Variants in NFAM1 observed in about 807,000 individuals in gnomAD.
NFAM1 encodes NFAT activation molecule 1.
In NFAM1, 17 loss-of-function variants were observed where a neutral mutation model predicts 29.0. That is an observed-to-expected ratio of 0.59 (90% CI 0.40 to 0.88). The LOEUF (loss-of-function observed/expected upper bound fraction) is 0.88, where lower values mean the gene tolerates loss of function less well. Ranked by LOEUF, NFAM1 falls within the 40% of genes least tolerant of loss-of-function variation. The pLI is 0.00. For missense variants in NFAM1, 324 were observed against 344.6 expected, an observed-to-expected ratio of 0.94 and a Z score of 0.47; for synonymous variants, 175 against 147.2, an observed-to-expected ratio of 1.19 and a Z score of -1.36.
chr22:42,386,396 A>ACAC (rs1555968132), intron 5 of NFAM1, among the ~76,000 whole-genome samples: 16,235 of 125,078 alleles, frequency 0.13, 991 homozygotes, highest in Middle Eastern at 0.21. Context: ...AAAACAAACA[A>ACAC]ACACACACAC....
Position 42,411,543 on chromosome 22 carries a change from T to C in NFAM1, c.315A>G (p.Thr105=), listed in dbSNP as rs1930090994. Residue 105 remains threonine, a synonymous_variant, in exon 2 of 6, where the codon ACA becomes ACG. Transcript: ENST00000329021. Reference sequence around the variant, plus strand: ...AGTCCAGGGTGTGGCTCTGGTTCTCTGTGCCCAGTCCAGGGTGGCAGTTTG... The same window carrying C: ...AGTCCAGGGTGTGGCTCTGGTTCTCCGTGCCCAGTCCAGGGTGGCAGTTTG... ...KPTNCHPGLG[T]ENQSHTLDCQ... The C allele has an allele frequency of 6.2e-7, 1 of 1,614,236 alleles. No homozygotes were observed. The highest frequency in any genetic ancestry group is 2.2e-5 in the East Asian group (1 of 44,886).
intron 3 of NFAM1, among the ~76,000 whole-genome samples, chr22:42,399,510 C>G (rs867376788): frequency 4.6e-5 from 7 of 151,368 alleles, no homozygotes; most frequent in African/African-American, 1.7e-4. Flanking sequence ...GTGTGTGGCC[C>G]GAGAGAGGAG....
chr22:42,430,182 G>A (rs1375426179), intron 1 of NFAM1, among the ~76,000 whole-genome samples: 2 of 152,170 alleles, frequency 1.3e-5, no homozygotes, highest in Non-Finnish European at 2.9e-5. Context: ...AGGATCATTT[G>A]AGTGAGGGAG....
At chr22:42,433,350 G>C (rs1285899899), upstream of NFAM1, among the ~76,000 whole-genome samples, 1 of 152,166 alleles carries the variant, frequency 6.6e-6, no homozygotes, top group East Asian at 1.9e-4. Flanking sequence ...CTTCTCTGCA[G>C]GTGTCCCTTC....
rs757778430 is a variant in NFAM1, at chr22:42,411,747, A to G, written c.122-11T>C. 1 of 1,602,136 alleles carries G rather than the reference A, an allele frequency of 6.2e-7. No homozygotes were observed. The highest frequency in any genetic ancestry group is 8.5e-7 in the Non-Finnish European group (1 of 1,169,850). On this transcript the variant is annotated splice_polypyrimidine_tract_variant and intron_variant, in intron 1 of 5. Transcript: ENST00000329021. ...TCACTGACTGTCCTCCTGGAGGGGA[A>G]GCAAAGGGAGAGAGCAACAGGTCAC...
chr22:42,394,936 A>G (rs1447695359), intron 4 of NFAM1, among the ~76,000 whole-genome samples: 1 of 151,374 alleles, frequency 6.6e-6, no homozygotes, highest in Non-Finnish European at 1.5e-5. Flanking sequence ...TGGGCAATAT[A>G]GTGAGACCTT....
chr22:42,402,958 C>T (rs1226490958), intron 3 of NFAM1, among the ~76,000 whole-genome samples: 6 of 151,426 alleles, frequency 4.0e-5, no homozygotes, highest in East Asian at 3.9e-4. Flanking sequence ...CCTCAGCCTC[C>T]CGAGTAACTG....
At chr22:42,400,910 G>A (rs1157846238) in intron 3 of NFAM1, among the ~76,000 whole-genome samples, 1 of 152,236 alleles carries the variant, frequency 6.6e-6, no homozygotes, top group African/African-American at 2.4e-5. Context: ...GGTCTCCCGC[G>A]AGGCTGACCT....
intron 1 of NFAM1, among the ~76,000 whole-genome samples, chr22:42,422,113 A>C (rs980420364): frequency 2.0e-5 from 3 of 152,184 alleles, no homozygotes; most frequent in African/African-American, 7.2e-5. Context: ...ACACCTCCAA[A>C]TTACAAAGAT....
intron 1 of NFAM1, among the ~76,000 whole-genome samples, chr22:42,423,926 G>A (rs769229543): frequency 3.3e-5 from 5 of 151,942 alleles, no homozygotes; most frequent in Admixed American, 6.6e-5. Context: ...CACCAGGTTG[G>A]CCAGGCTGGT....
At chr22:42,407,262 A>G (rs752435628) in intron 3 of NFAM1, among the ~76,000 whole-genome samples, 1 of 149,742 alleles carries the variant, frequency 6.7e-6, no homozygotes, top group African/African-American at 2.5e-5. Flanking sequence ...TTGTATTTTT[A>G]GTAGAGATGG....
In NFAM1 at chr22:42,387,062, T is replaced by A. The variant is rs1929173259; in HGVS notation, c.680A>T (p.Glu227Val). Residue 227 changes from glutamate to valine, a missense_variant, in exon 5 of 6, where the codon GAG (glutamate) becomes GTG (valine). Glu to Val is a moderately radical substitution (Grantham distance 121). Coordinates refer to ENST00000329021, the MANE Select transcript of NFAM1 (RefSeq NM_145912.8). ...CTCGATGCAGGCATAGACCTCGGTCTCGCGGCGCTGCAGAGCCTACAGGAA... is the reference window on the plus strand; with the variant it reads ...CTCGATGCAGGCATAGACCTCGGTCACGCGGCGCTGCAGAGCCTACAGGAA... The part of the protein sequence containing the change: ...ESVYTALQRR[E>V]TEVYACIENE... The A allele has an allele frequency of 6.3e-7, 1 of 1,586,346 alleles. No individual in the cohort carries two copies. Among genetic ancestry groups the A allele is most frequent in the Non-Finnish European group, 8.6e-7 (1 of 1,166,564 alleles).
At chr22:42,397,569 C>T (rs1929571770) in intron 4 of NFAM1, among the ~76,000 whole-genome samples, 1 of 152,126 alleles carries the variant, frequency 6.6e-6, no homozygotes, top group Admixed American at 6.5e-5. Context: ...CAACTTGTGC[C>T]GTCACTACCC....
upstream of NFAM1, among the ~76,000 whole-genome samples, chr22:42,434,972 G>C (rs1930906211): frequency 6.6e-6 from 1 of 152,250 alleles, no homozygotes; most frequent in East Asian, 1.9e-4. Context: ...GGCTGTAGAA[G>C]TGAAAGAGCC....
chr22:42,404,734 A>G (rs1397423178), intron 3 of NFAM1, among the ~76,000 whole-genome samples: 1 of 152,090 alleles, frequency 6.6e-6, no homozygotes, highest in Non-Finnish European at 1.5e-5. Context: ...GCACGTCTGT[A>G]ATCCCAGCTA....
At chr22:42,434,903 G>A (rs1014270007), upstream of NFAM1, among the ~76,000 whole-genome samples, 2 of 152,200 alleles carry the variant, frequency 1.3e-5, no homozygotes, top group African/African-American at 4.8e-5. Context: ...GTTTATCCGT[G>A]CATCTATGCC....
chr22:42,398,388 A>T (rs1050174377), intron 3 of NFAM1, among the ~76,000 whole-genome samples: 1 of 93,638 alleles, frequency 1.1e-5, no homozygotes. Context: ...TTTATTTATT[A>T]TTATTATTAT....
intron 1 of NFAM1, among the ~76,000 whole-genome samples, chr22:42,421,349 G>A (rs1001226586): frequency 6.6e-5 from 10 of 151,662 alleles, no homozygotes; most frequent in Admixed American, 1.3e-4. Context: ...CCAGCTACTC[G>A]GGAGGCTGAG....
At chr22:42,404,527 C>A (rs1048885072) in intron 3 of NFAM1, among the ~76,000 whole-genome samples, 4 of 152,120 alleles carry the variant, frequency 2.6e-5, no homozygotes, top group Admixed American at 6.6e-5. Context: ...CCAGCCCAGG[C>A]TCTCACATCA....
Sources: gnomAD v4.1 joint callset for allele counts (sites outside exome capture counted in the v4.1 genomes callset) on GRCh38, gnomAD v4.1.1 for gene constraint, MANE v1.5 for transcripts, NCBI Gene and HGNC (gene_info 2026-07-23, HGNC 2026-07-21) for gene names.